BRD4: variants seen among roughly 807,000 people sequenced by gnomAD.
BRD4 encodes bromodomain-containing protein 4.
Under a neutral mutation model 142.1 loss-of-function variants are expected in BRD4, and 16 were observed. That is an observed-to-expected ratio of 0.11 (90% confidence interval 0.08 to 0.17). The LOEUF (loss-of-function observed/expected upper bound fraction) is 0.17. Among genes scored for constraint, BRD4 ranks in the 10% least tolerant of loss-of-function variants. The pLI, the probability that BRD4 is intolerant of heterozygous loss-of-function variation, is 1.00. For missense variants in BRD4, 1,424 were observed against 1,810.9 expected (o/e 0.79, Z 3.88); for synonymous variants, 833 against 707.5 (o/e 1.18, Z -2.82).
Position 15,255,726 on chromosome 19 carries a change from G to C in BRD4, c.1752-134C>G, listed in dbSNP as rs1035422370. 17 of 1,174,472 alleles carry C rather than the reference G, an allele frequency of 1.4e-5. No individual in the cohort carries two copies. The Admixed American group carries it at 4.6e-4, about 32-fold the overall frequency. The allele number at this position is 1,174,472 out of a possible 1,614,324, so 72.8% of individuals were successfully genotyped here. On this transcript the variant is annotated intron_variant, in intron 9 of 19. Transcript: ENST00000679869. The stretch of plus-strand genomic sequence containing the variant: ...CACCCACCAGCCTTCACAGGAAACG[G>C]GGCATGGGCAACTCAATCTCTGGGA...
chr19:15,244,612 G>C lies in BRD4; in HGVS notation c.2212-12C>G, dbSNP rs200079817. ...TGGTGATGATGGTGCTGCAGACAGAGAGACAGACAGACAGACAGGCTGATG... is the reference window on the plus strand; with the variant it reads ...TGGTGATGATGGTGCTGCAGACAGACAGACAGACAGACAGACAGGCTGATG... On this transcript the variant is annotated splice_polypyrimidine_tract_variant and intron_variant, in intron 12 of 19. Coordinates refer to ENST00000679869, the MANE Select transcript of BRD4 (RefSeq NM_001379291.1). The C allele has an allele frequency of 9.9e-5, 159 of 1,613,066 alleles. No individual in the cohort carries two copies. The highest frequency in any genetic ancestry group is 6.6e-4 in the Middle Eastern group (4 of 6,084).
At chr19:15,289,545 C>G (rs548026340) in intron 1 of BRD4, among the ~76,000 whole-genome samples, 1 of 151,956 alleles carries the variant, frequency 6.6e-6, no homozygotes, top group African/African-American at 2.4e-5. Flanking sequence ...GAGCGAAACT[C>G]CATCTTAAAA....
At chr19:15,302,514 C>T (rs1164483212) in intron 1 of BRD4, among the ~76,000 whole-genome samples, 1 of 151,886 alleles carries the variant, frequency 6.6e-6, no homozygotes, top group Non-Finnish European at 1.5e-5. Context: ...ACTAAAAATG[C>T]AAAAATTAGC....
In BRD4 at chr19:15,239,720, C is replaced by T. The variant is rs779410862; in HGVS notation, c.3384G>A (p.Ser1128=). 12 of 1,600,018 alleles carry T rather than the reference C, an allele frequency of 7.5e-6. No individual in the cohort carries two copies. Among genetic ancestry groups the T allele is most frequent in the South Asian group, 5.5e-5 (5 of 90,718 alleles). The change falls in exon 16 of 20, where the codon TCG becomes TCA. Residue 1128 remains serine, a synonymous_variant. Coordinates refer to ENST00000679869, the MANE Select transcript of BRD4 (RefSeq NM_001379291.1). The surrounding 1 kb of genome is among the most constrained non-coding windows in gnomAD (Gnocchi z 7.4). ...PIIRSEPFSP[S]LRPEPPKHPE... ...GGTGCTTGGGGGGCTCCGGCCGCAGCGAGGGGCTGAAGGGCTCGCTGCGGA... is the reference window on the plus strand; with the variant it reads ...GGTGCTTGGGGGGCTCCGGCCGCAGTGAGGGGCTGAAGGGCTCGCTGCGGA...
At chr19:15,318,781 A>G (rs2048037224) in intron 1 of BRD4, among the ~76,000 whole-genome samples, 1 of 152,242 alleles carries the variant, frequency 6.6e-6, no homozygotes, top group South Asian at 2.1e-4. Flanking sequence ...TTCAGTGTAG[A>G]GCCCTAGTTC....
chr19:15,272,950 G>A lies in BRD4; in HGVS notation c.150C>T (p.Thr50=). 2 of 1,614,222 alleles carry A rather than the reference G, an allele frequency of 1.2e-6. No individual in the cohort carries two copies. The highest frequency in any genetic ancestry group is 1.3e-5 in the African/African-American group (1 of 75,056). The change falls in exon 2 of 20, where the codon ACC becomes ACT. Residue 50 remains threonine, a synonymous_variant. Transcript: ENST00000679869. ...AASTNPPPPE[T]SNPNKPKRQT... ...GCCTCTTGGGCTTGTTAGGGTTGGA[G>A]GTCTCTGGGGGCGGGGGGTTGGTGC...
intron 1 of BRD4, among the ~76,000 whole-genome samples, chr19:15,282,618 T>C (rs1038414634): frequency 6.6e-6 from 1 of 152,186 alleles, no homozygotes; most frequent in African/African-American, 2.4e-5. Flanking sequence ...ATGATAGAAA[T>C]GTCATTAATT....
At chr19:15,247,513 G>C in intron 11 of BRD4, 1 of 233,132 alleles carries the variant, frequency 4.3e-6, no homozygotes, top group East Asian at 6.0e-5. Flanking sequence ...AGGTTGAAAG[G>C]ACCCTGGAGG....
intron 1 of BRD4, among the ~76,000 whole-genome samples, chr19:15,313,375 A>T (rs1284624519): frequency 6.5e-5 from 2 of 30,720 alleles, no homozygotes; most frequent in African/African-American, 2.3e-4. Context: ...TCCATCTTTA[A>T]AAAAAAAAAA....
chr19:15,329,525 G>A (rs1211368014), intron 1 of BRD4, among the ~76,000 whole-genome samples: 1 of 152,098 alleles, frequency 6.6e-6, no homozygotes, highest in Non-Finnish European at 1.5e-5. Flanking sequence ...CGGATCACGA[G>A]ATCAGGAGAT....
chr19:15,300,313 G>A (rs1568403502), intron 1 of BRD4, among the ~76,000 whole-genome samples: 1 of 151,974 alleles, frequency 6.6e-6, no homozygotes, highest in African/African-American at 2.4e-5. Context: ...TGTAATCCCA[G>A]CACTTTAGCA....
At chr19:15,296,924 G>GCC (rs34311339) in intron 1 of BRD4, among the ~76,000 whole-genome samples, 11 of 151,624 alleles carry the variant, frequency 7.3e-5, no homozygotes, top group East Asian at 1.9e-4. Flanking sequence ...GACGGCAGAA[G>GCC]CCCCCCCCAC....
chr19:15,309,907 C>A (rs960318879), intron 1 of BRD4, among the ~76,000 whole-genome samples: 2 of 152,114 alleles, frequency 1.3e-5, no homozygotes, highest in African/African-American at 4.8e-5. Flanking sequence ...ACACTGAGTG[C>A]GGAGAGAGGC....
intron 1 of BRD4, among the ~76,000 whole-genome samples, chr19:15,304,261 T>C (rs1333873943): frequency 6.6e-6 from 1 of 152,146 alleles, no homozygotes; most frequent in African/African-American, 2.4e-5. Flanking sequence ...GAACACACAG[T>C]GTGTGCTGGC....
In BRD4 at chr19:15,256,222, G is replaced by C. The variant is rs144298082; in HGVS notation, c.1593C>G (p.Pro531=). 2.5e-5 allele frequency: 41 copies of C among 1,612,710 alleles called. No homozygotes were observed. The African/African-American group carries it at 4.6e-4, about 18-fold the overall frequency. The change falls in exon 9 of 20, where the codon CCC becomes CCG. Residue 531 remains proline, a synonymous_variant. Transcript: ENST00000679869. The stretch of plus-strand genomic sequence containing the variant: ...CCTTTTTCTTTGGTTTGTTCTGCTG[G>C]GGCTGAGAGAGGGCTGCAAGCTGCT... ...VHEQLAALSQ[P]QQNKPKKKEK...
chr19:15,273,867 A>C (rs1009002279), intron 1 of BRD4, among the ~76,000 whole-genome samples: 2 of 146,586 alleles, frequency 1.4e-5, no homozygotes, highest in Non-Finnish European at 3.0e-5. Context: ...AACTCAGTGG[A>C]GATATCATTC....
intron 1 of BRD4, among the ~76,000 whole-genome samples, chr19:15,331,264 C>T (rs2048155106): frequency 6.6e-6 from 1 of 152,236 alleles, no homozygotes; most frequent in Non-Finnish European, 1.5e-5. Context: ...CCGTCCACTA[C>T]AACAGAGTGG....
chr19:15,240,122 C>T, intron 14 of BRD4, 100 bp from the exon 15 acceptor site: 1 of 1,462,068 alleles, frequency 6.8e-7, no homozygotes, highest in Non-Finnish European at 9.1e-7. Flanking sequence ...GGAGAAACTG[C>T]ATGTGCCGCC....
intron 11 of BRD4, among the ~76,000 whole-genome samples, chr19:15,251,823 C>T (rs2145554285): frequency 6.6e-6 from 1 of 152,316 alleles, no homozygotes; most frequent in African/African-American, 2.4e-5. Flanking sequence ...AAAGGAAAGC[C>T]CCTGCTGGCC....
Sources: allele counts gnomAD v4.1 joint callset (sites outside exome capture counted in the v4.1 genomes callset), GRCh38; gene constraint gnomAD v4.1.1; non-coding constraint Gnocchi (gnomAD v3.1); transcripts MANE v1.5; gene names NCBI Gene and HGNC (gene_info 2026-07-23, HGNC 2026-07-21).